CRACR2A: variants seen among roughly 807,000 people sequenced by gnomAD.
CRACR2A encodes calcium release activated channel regulator 2A, also known as EF-hand calcium-binding domain-containing protein 4B.
In CRACR2A, 79 loss-of-function variants were observed where a neutral mutation model predicts 90.5. The observed-to-expected ratio is 0.87, with a 90% CI of 0.73 to 1.05. CRACR2A has a LOEUF of 1.05. Among genes scored for constraint, CRACR2A ranks in the 50% least tolerant of loss-of-function variants. CRACR2A has a pLI of 0.00. For synonymous variants in CRACR2A, 338 were observed against 356.7 expected (o/e 0.95, Z 0.59); for missense variants, 823 against 897.2 (o/e 0.92, Z 1.06).
At chr12:3,674,678 G>A (rs978307014) in intron 6 of CRACR2A, among the ~76,000 whole-genome samples, 1 of 152,120 alleles carries the variant, frequency 6.6e-6, no homozygotes, top group African/African-American at 2.4e-5. Flanking sequence ...CTTTATTCTA[G>A]CAAAGTAGAG....
At chr12:3,708,417 T>A (rs1945960338) in intron 3 of CRACR2A, among the ~76,000 whole-genome samples, 1 of 152,028 alleles carries the variant, frequency 6.6e-6, no homozygotes, top group African/African-American at 2.4e-5. Flanking sequence ...CTGGAAGCAT[T>A]TTCTTTTCTT....
At chr12:3,652,657 A>T (rs1944814697) in intron 10 of CRACR2A, among the ~76,000 whole-genome samples, 1 of 152,184 alleles carries the variant, frequency 6.6e-6, no homozygotes, top group Non-Finnish European at 1.5e-5. Flanking sequence ...TTCACTTTTG[A>T]ACAAGGGGAG....
intron 13 of CRACR2A, 94 bp from the exon 14 acceptor site, chr12:3,638,548 A>G: frequency 7.3e-7 from 1 of 1,361,944 alleles, no homozygotes; most frequent in Non-Finnish European, 9.8e-7. Context: ...CAGATACCCA[A>G]GGAGCATCAC....
chr12:3,655,101 C>T (rs938129208), intron 9 of CRACR2A, among the ~76,000 whole-genome samples: 12 of 152,120 alleles, frequency 7.9e-5, no homozygotes, highest in African/African-American at 2.9e-4. Flanking sequence ...GTACATATAT[C>T]ATAATAAATT....
chr12:3,652,661 A>G (rs1425362645), intron 10 of CRACR2A, among the ~76,000 whole-genome samples: 1 of 152,188 alleles, frequency 6.6e-6, no homozygotes, highest in Non-Finnish European at 1.5e-5. Context: ...CTTTTGAACA[A>G]GGGGAGTTAA....
intron 11 of CRACR2A, chr12:3,648,141 C>T (rs1466259471): frequency 9.6e-7 from 1 of 1,037,654 alleles, no homozygotes; most frequent in African/African-American, 1.7e-5. Flanking sequence ...ATCAACTTCC[C>T]ATCAGTAAAT....
chr12:3,695,926 AAC>A (rs1386343528), intron 4 of CRACR2A, among the ~76,000 whole-genome samples: 1 of 152,234 alleles, frequency 6.6e-6, no homozygotes, highest in African/African-American at 2.4e-5. Flanking sequence ...GGAGTGGGCA[AAC>A]TCTGCCCCTG....
intron 14 of CRACR2A, among the ~76,000 whole-genome samples, chr12:3,634,383 A>G (rs1944424870): frequency 6.6e-6 from 1 of 152,136 alleles, no homozygotes; most frequent in African/African-American, 2.4e-5. Flanking sequence ...TCCACTTAGG[A>G]AGCTGGGAAA....
intron 15 of CRACR2A, among the ~76,000 whole-genome samples, chr12:3,632,337 T>C (rs1944390095): frequency 6.6e-6 from 1 of 152,190 alleles, no homozygotes; most frequent in African/African-American, 2.4e-5. Context: ...TTTATAGCAG[T>C]GCAAGAATAG....
At chr12:3,748,416 C>T (rs951103237) in intron 1 of CRACR2A, among the ~76,000 whole-genome samples, 3 of 152,192 alleles carry the variant, frequency 2.0e-5, no homozygotes, top group African/African-American at 4.8e-5. Context: ...GATGTGTCAA[C>T]AAACAGACAA....
intron 19 of CRACR2A, among the ~76,000 whole-genome samples, chr12:3,615,901 C>A (rs1025031764): frequency 6.6e-6 from 1 of 152,224 alleles, no homozygotes; most frequent in Non-Finnish European, 1.5e-5. Flanking sequence ...ACTGATGGGT[C>A]GTAACCTCTG....
chr12:3,617,265 A>AT (rs201457954), intron 18 of CRACR2A, among the ~76,000 whole-genome samples: 9,613 of 152,266 alleles, frequency 0.063, 348 homozygotes, highest in Middle Eastern at 0.12. Context: ...TTGTAAAACA[A>AT]TGAAACCATA....
intron 10 of CRACR2A, among the ~76,000 whole-genome samples, chr12:3,653,121 T>C (rs1313691448): frequency 1.3e-5 from 2 of 152,180 alleles, no homozygotes; most frequent in South Asian, 2.1e-4. Flanking sequence ...TAGCTGAGAT[T>C]ACAGGCGTGC....
intron 5 of CRACR2A, among the ~76,000 whole-genome samples, chr12:3,679,398 G>T (rs540250168): frequency 6.6e-6 from 1 of 152,160 alleles, no homozygotes; most frequent in East Asian, 1.9e-4. Flanking sequence ...ACGCATCTCC[G>T]TTGATTTCTT....
chr12:3,643,910 ATTTATAT>A, intron 12 of CRACR2A, among the ~76,000 whole-genome samples: 5 of 108,910 alleles, frequency 4.6e-5, no homozygotes, highest in African/African-American at 1.5e-4. Context: ...TATTATATAT[ATTTATAT>A]TATATATATA....
Position 3,654,383 on chromosome 12 carries a change from G to A in CRACR2A, c.875C>T (p.Thr292Ile), listed in dbSNP as rs772121432. The change falls in exon 10 of 20, where the codon ACA (threonine) becomes ATA (isoleucine). Residue 292 changes from threonine to isoleucine, a missense_variant. Thr to Ile is a moderately conservative substitution (Grantham distance 89). Coordinates refer to ENST00000440314, the MANE Select transcript of CRACR2A (RefSeq NM_001144958.2). ...QKQKRLEGQC[T>I]ALHHDKHETK... is the part of the protein sequence containing the mutation. Reference sequence around the variant, plus strand: ...CTCATGCTTGTCATGATGCAGGGCTGTGCACTGACCTTCCAGCTGCAAAGG... The same window carrying A: ...CTCATGCTTGTCATGATGCAGGGCTATGCACTGACCTTCCAGCTGCAAAGG... The A allele has an allele frequency of 3.8e-6, 6 of 1,593,734 alleles. No individual in the cohort carries two copies. In the African/African-American group the frequency reaches 8.2e-5, roughly 22 times the overall value.
At chr12:3,740,222 C>T (rs1479284498) in intron 1 of CRACR2A, among the ~76,000 whole-genome samples, 2 of 152,072 alleles carry the variant, frequency 1.3e-5, no homozygotes, top group Non-Finnish European at 2.9e-5. Context: ...CTTCCATGAC[C>T]CTACTCTCAG....
intron 17 of CRACR2A, 62 bp downstream of exon 17, chr12:3,627,374 A>C: frequency 1.6e-6 from 2 of 1,272,584 alleles, no homozygotes; most frequent in Non-Finnish European, 2.2e-6. Context: ...TGGGAGATGG[A>C]CAGAGAAGAA....
At chr12:3,644,738 G>T in intron 11 of CRACR2A, 98 bp from the exon 12 acceptor site, 1 of 1,092,674 alleles carries the variant, frequency 9.2e-7, no homozygotes, top group Non-Finnish European at 1.4e-6. Flanking sequence ...AGGGGAAGGT[G>T]TGGTATGGAA....
Sources: gnomAD v4.1 joint callset for allele counts (sites outside exome capture counted in the v4.1 genomes callset) on GRCh38, gnomAD v4.1.1 for gene constraint, MANE v1.5 for transcripts, NCBI Gene and HGNC (gene_info 2026-07-23, HGNC 2026-07-21) for gene names.